ATP10B: variants seen among roughly 807,000 people sequenced by gnomAD.
ATP10B encodes the protein phospholipid-transporting ATPase VB.
In ATP10B, 122 loss-of-function variants were observed where a neutral mutation model predicts 141.2. The observed-to-expected ratio is 0.86, with a 90% CI of 0.75 to 1.00. The LOEUF is 1.00. Ranked by LOEUF, ATP10B falls within the 50% of genes least tolerant of loss-of-function variation. The pLI is 0.00. For synonymous variants in ATP10B, 685 were observed against 692.0 expected, an observed-to-expected ratio of 0.99 and a Z score of 0.16; for missense variants, 1,876 against 1,825.3, an observed-to-expected ratio of 1.03 and a Z score of -0.51.
chr5:160,627,320 C>T (rs1237852039), intron 13 of ATP10B, among the ~76,000 whole-genome samples: 2 of 152,206 alleles, frequency 1.3e-5, no homozygotes, highest in East Asian at 3.9e-4. Context: ...GCTCCTTTTG[C>T]CCCTTCATTG....
the ATP10B span, among the ~76,000 whole-genome samples, chr5:160,857,932 T>C: frequency 6.6e-6 from 1 of 151,974 alleles, no homozygotes; most frequent in South Asian, 2.1e-4. Context: ...ATATATTATT[T>C]CCTGGTATTT....
chr5:160,703,970 A>G (rs1478141274), intron 3 of ATP10B, among the ~76,000 whole-genome samples: 1 of 152,118 alleles, frequency 6.6e-6, no homozygotes, highest in African/African-American at 2.4e-5. Context: ...GGGCAGTGTT[A>G]AGGAGTAGTA....
chr5:160,598,797 C>G lies in ATP10B; in HGVS notation c.3537G>C (p.Glu1179Asp). 1 of 1,614,126 alleles carries G rather than the reference C, an allele frequency of 6.2e-7. No individual in the cohort carries two copies. Among genetic ancestry groups the G allele is most frequent in the Admixed American group, 1.7e-5 (1 of 60,022 alleles). ...ISAETLLALP[E>D]LYKSGQNSEC... is the part of the protein sequence containing the mutation. ...CAGAGTTCTGGCCACTCTTGTATAG[C>G]TCAGGCAATGCCAGGAGTGTTTCTG... Residue 1179 changes from glutamate (E) to aspartate (D), a missense_variant, in exon 22 of 26, where the codon GAG becomes GAC. Glu to Asp is a conservative substitution (Grantham distance 45). Coordinates refer to ENST00000327245, the MANE Select transcript of ATP10B (RefSeq NM_025153.3).
At chr5:160,606,635 T>A (rs1403707603) in intron 19 of ATP10B, 130 bp downstream of exon 19, 2 of 889,792 alleles carry the variant, frequency 2.2e-6, no homozygotes, top group Middle Eastern at 3.2e-4. Context: ...CATTTTGAAC[T>A]CTCTCCCTCT....
intron 16 of ATP10B, 68 bp downstream of exon 16, chr5:160,617,796 A>C: frequency 7.6e-7 from 1 of 1,323,764 alleles, no homozygotes; most frequent in Non-Finnish European, 1.1e-6. Flanking sequence ...ATAAAGAAAA[A>C]GAAGCAGGGT....
intron 2 of ATP10B, among the ~76,000 whole-genome samples, chr5:160,766,510 T>C (rs751523273): frequency 6.6e-6 from 1 of 152,130 alleles, no homozygotes; most frequent in Non-Finnish European, 1.5e-5. Flanking sequence ...TCAAATGTTG[T>C]ATGTTCTCAC....
intron 7 of ATP10B, among the ~76,000 whole-genome samples, chr5:160,651,463 G>A (rs913173448): frequency 6.6e-6 from 1 of 152,010 alleles, no homozygotes; most frequent in African/African-American, 2.4e-5. Flanking sequence ...TCTGTAGAAT[G>A]GGGCTAACAT....
intron 1 of ATP10B, among the ~76,000 whole-genome samples, chr5:160,835,117 AAC>A: frequency 6.6e-6 from 1 of 152,206 alleles, no homozygotes; most frequent in South Asian, 2.1e-4. Context: ...GTGGAGCTGA[AAC>A]AGAGATAATT....
the ATP10B span, among the ~76,000 whole-genome samples, chr5:160,888,229 A>T: frequency 1.1e-4 from 16 of 152,344 alleles, no homozygotes; most frequent in Admixed American, 2.0e-4. Flanking sequence ...TTAGAGGATA[A>T]AATAAATGTA....
intron 21 of ATP10B, among the ~76,000 whole-genome samples, chr5:160,600,288 A>T (rs147770732): frequency 6.1e-4 from 93 of 152,296 alleles, no homozygotes; most frequent in African/African-American, 2.2e-3. Flanking sequence ...CCAAATTCAG[A>T]GCTAGAGAGT....
intron 2 of ATP10B, among the ~76,000 whole-genome samples, chr5:160,731,991 AC>A (rs1168523051): frequency 6.6e-6 from 1 of 152,018 alleles, no homozygotes; most frequent in East Asian, 1.9e-4. Flanking sequence ...AACAGGTAAG[AC>A]CCCCAAAAAT....
At chr5:160,595,658 GA>G (rs1302875998) in intron 22 of ATP10B, among the ~76,000 whole-genome samples, 1 of 147,858 alleles carries the variant, frequency 6.8e-6, no homozygotes, top group African/African-American at 2.4e-5. Flanking sequence ...GATTAATAAA[GA>G]AAAAAAGAGA....
chr5:160,576,509 A>T (rs1248025016), intron 24 of ATP10B, among the ~76,000 whole-genome samples: 1 of 152,188 alleles, frequency 6.6e-6, no homozygotes, highest in Non-Finnish European at 1.5e-5. Flanking sequence ...AGCTGGAAGC[A>T]GCATAGTGCA....
chr5:160,844,558 T>C (rs1461641998), intron 1 of ATP10B, among the ~76,000 whole-genome samples: 1 of 152,110 alleles, frequency 6.6e-6, no homozygotes, highest in African/African-American at 2.4e-5. Context: ...TTGTTTTTTT[T>C]TTTTTGAGAA....
rs535945819 is a variant in ATP10B at position 160,808,423 on chromosome 5, G to A, written c.-575-22620C>T. On this transcript the variant is annotated intron_variant, in intron 1 of 25. Transcript: ENST00000327245. ...ATCCTATACCATGAGCATGGCTTTG[G>A]TGACTTCAAAACTTTTGTGGACAAA... is the stretch of plus-strand genomic sequence containing the variant. Among the ~76,000 whole-genome samples, 65 of 152,276 alleles carry A rather than the reference G, an allele frequency of 4.3e-4. 1 individual carries two copies. Among genetic ancestry groups the A allele is most frequent in the South Asian group, 2.5e-3 (12 of 4,820 alleles).
intron 22 of ATP10B, among the ~76,000 whole-genome samples, chr5:160,597,573 C>T (rs1756795320): frequency 6.6e-6 from 1 of 151,960 alleles, no homozygotes; most frequent in Non-Finnish European, 1.5e-5. Flanking sequence ...AGAGCTTCTG[C>T]ACAGCAAAAG....
At chr5:160,896,099 G>A in the ATP10B span, among the ~76,000 whole-genome samples, 1 of 152,144 alleles carries the variant, frequency 6.6e-6, no homozygotes, top group African/African-American at 2.4e-5. Flanking sequence ...AAGCATGAAA[G>A]ATCTAAAATT....
chr5:160,763,846 T>A (rs1769215238), intron 2 of ATP10B, among the ~76,000 whole-genome samples: 1 of 151,954 alleles, frequency 6.6e-6, no homozygotes, highest in Admixed American at 6.6e-5. Context: ...AAGATCCAAA[T>A]AAGCTCAATT....
intron 2 of ATP10B, among the ~76,000 whole-genome samples, chr5:160,737,702 C>T (rs992649177): frequency 1.8e-4 from 27 of 151,484 alleles, no homozygotes; most frequent in African/African-American, 5.3e-4. Context: ...GTTGGCTATA[C>T]GAGAAATATG....
Sources: allele counts gnomAD v4.1 joint callset (sites outside exome capture counted in the v4.1 genomes callset), GRCh38; gene constraint gnomAD v4.1.1; transcripts MANE v1.5; gene names NCBI Gene and HGNC (gene_info 2026-07-23, HGNC 2026-07-21).